Variants in MLLT10 observed in about 807,000 individuals in gnomAD.
MLLT10 encodes protein AF-10.
In MLLT10, 30 loss-of-function variants were observed where a neutral mutation model predicts 129.1. The ratio of observed to expected loss-of-function variants is 0.23; its 90% CI spans 0.17 to 0.32. The LOEUF is 0.32. MLLT10 is among the 10% of genes least tolerant of loss of function. The probability of loss-of-function intolerance (pLI) is 1.00; values close to 1 mark genes in which losing one functional copy is unlikely to be tolerated. For synonymous variants in MLLT10, 490 were observed against 446.4 expected (o/e 1.10, Z -1.23); for missense variants, 1,119 against 1,268.3 (o/e 0.88, Z 1.79).
chr10:21,637,542 T>C (rs961722789), intron 8 of MLLT10, among the ~76,000 whole-genome samples: 1 of 152,164 alleles, frequency 6.6e-6, no homozygotes, highest in Non-Finnish European at 1.5e-5. Flanking sequence ...ACAGAGGAGA[T>C]AACATTACAG....
chr10:21,587,806 T>C (rs1270832745), intron 4 of MLLT10, among the ~76,000 whole-genome samples: 1 of 152,222 alleles, frequency 6.6e-6, no homozygotes, highest in Non-Finnish European at 1.5e-5. Context: ...AGTCAGATTG[T>C]ACAGAATTTA....
At chr10:21,732,503 C>T (rs994189064) in intron 17 of MLLT10, among the ~76,000 whole-genome samples, 3 of 152,166 alleles carry the variant, frequency 2.0e-5, no homozygotes, top group African/African-American at 4.8e-5. Context: ...GGTATTGGTG[C>T]GATCCTTAAC....
intron 4 of MLLT10, among the ~76,000 whole-genome samples, chr10:21,587,454 T>C (rs896341921): frequency 2.7e-5 from 4 of 150,466 alleles, no homozygotes; most frequent in Admixed American, 2.0e-4. Flanking sequence ...AAAAGCTGAC[T>C]TCTGTATCAC....
intron 8 of MLLT10, among the ~76,000 whole-genome samples, chr10:21,621,093 C>T (rs919595859): frequency 6.8e-6 from 1 of 147,944 alleles, no homozygotes; most frequent in African/African-American, 2.5e-5. Flanking sequence ...ACGCCATTCT[C>T]CTGTCTCAGC....
At chr10:21,682,438 C>A (rs2052838547) in intron 13 of MLLT10, among the ~76,000 whole-genome samples, 181 bp downstream of exon 13, 2 of 152,254 alleles carry the variant, frequency 1.3e-5, no homozygotes, top group Non-Finnish European at 1.5e-5. Flanking sequence ...GCTGATAGGT[C>A]AATATGGTTC....
intron 5 of MLLT10, among the ~76,000 whole-genome samples, chr10:21,603,955 T>A (rs1432210409): frequency 6.6e-6 from 1 of 152,128 alleles, no homozygotes; most frequent in Admixed American, 6.5e-5. Context: ...CCTGCCCTAC[T>A]CCATCATGTG....
intron 9 of MLLT10, among the ~76,000 whole-genome samples, chr10:21,659,171 C>G (rs1373251472): frequency 6.6e-6 from 1 of 151,302 alleles, no homozygotes; most frequent in African/African-American, 2.4e-5. Context: ...TTCTTTTAAT[C>G]TTTTGAAGAG....
chr10:21,735,472 G>A (rs542898577), intron 21 of MLLT10, among the ~76,000 whole-genome samples: 1 of 152,346 alleles, frequency 6.6e-6, no homozygotes, highest in South Asian at 2.1e-4. Context: ...ACACAGTGCT[G>A]AGATGTGGTG....
rs1486760886 is a variant in MLLT10, at chr10:21,743,325, A to AT, written c.*1344dup. 1.4e-5 allele frequency: 3 copies of AT among 220,032 alleles called. No individual in the cohort carries two copies. Among genetic ancestry groups the AT allele is most frequent in the Non-Finnish European group, 2.7e-5 (3 of 109,656 alleles). 13.6% of individuals were successfully genotyped at this position (220,032 alleles called of 1,614,324 possible). A position where few individuals can be genotyped will look rare whatever the true frequency, so the allele number is the denominator to read the frequency against. On this transcript the variant is annotated 3_prime_UTR_variant, in exon 23 of 23. Coordinates refer to ENST00000307729, the MANE Select transcript of MLLT10 (RefSeq NM_001195626.3). ...ATAAAGTTTTGTGAATCTGTTTTGTATTGTGACAAATTCATAAGATAACAT... is the reference window on the plus strand; with the variant it reads ...ATAAAGTTTTGTGAATCTGTTTTGTATTTGTGACAAATTCATAAGATAACAT...
intron 3 of MLLT10, among the ~76,000 whole-genome samples, chr10:21,579,633 G>C (rs1030175636): frequency 2.0e-4 from 31 of 151,222 alleles, no homozygotes; most frequent in Non-Finnish European, 4.4e-4. Flanking sequence ...TGCGATCTCG[G>C]CTCAACACAA....
intron 5 of MLLT10, among the ~76,000 whole-genome samples, chr10:21,608,470 C>A (rs1325093617): frequency 6.6e-6 from 1 of 152,048 alleles, no homozygotes. Context: ...AGTTACCACT[C>A]CTAGCCACTT....
chr10:21,737,985 G>A (rs553884243), intron 21 of MLLT10, among the ~76,000 whole-genome samples: 9 of 152,162 alleles, frequency 5.9e-5, no homozygotes, highest in African/African-American at 2.2e-4. Context: ...ATTCTTAAAT[G>A]CTGGCCGGGC....
At chr10:21,613,039 CAAA>C (rs1328568014) in intron 6 of MLLT10, among the ~76,000 whole-genome samples, 1 of 151,666 alleles carries the variant, frequency 6.6e-6, no homozygotes, top group Admixed American at 6.6e-5. Context: ...ACTAAAAACA[CAAA>C]AATTAGCCAG....
intron 9 of MLLT10, among the ~76,000 whole-genome samples, chr10:21,665,424 G>C (rs1485907203): frequency 6.6e-6 from 1 of 151,842 alleles, no homozygotes; most frequent in Non-Finnish European, 1.5e-5. Context: ...GAATAGCTGG[G>C]ATTACAGGTA....
At chr10:21,591,037 T>C (rs1194526867) in intron 4 of MLLT10, among the ~76,000 whole-genome samples, 2 of 152,104 alleles carry the variant, frequency 1.3e-5, no homozygotes, top group Non-Finnish European at 2.9e-5. Context: ...ACAAGTTGTG[T>C]TTTTTTGTTT....
rs34367086 is a variant in MLLT10, at chr10:21,563,791, G to GTATTATTAT, written c.241-22474_241-22466dup. Among the ~76,000 whole-genome samples the GTATTATTAT allele has an allele frequency of 7.6e-3, 1,103 of 145,634 alleles. 19 individuals carry two copies. The highest frequency in any genetic ancestry group is 0.025 in the African/African-American group (966 of 38,974). On this transcript the variant is annotated intron_variant, in intron 3 of 22. Transcript: ENST00000307729. ...GGCGGGTAGTGATATCTCACTGTGT[G>GTATTATTAT]TATTATTATTATTATTATTATTATT...
intron 17 of MLLT10, 58 bp downstream of exon 17, chr10:21,731,112 C>T (rs1247097123): frequency 1.4e-6 from 2 of 1,465,346 alleles, no homozygotes; most frequent in African/African-American, 2.8e-5. Context: ...GACAAACAGG[C>T]AGATGGATGC....
chr10:21,710,880 C>T (rs1420132889), intron 13 of MLLT10, among the ~76,000 whole-genome samples: 1 of 152,168 alleles, frequency 6.6e-6, no homozygotes, highest in Non-Finnish European at 1.5e-5. Context: ...CGTACAGTAA[C>T]CAAACACTGC....
At chr10:21,573,865 A>T (rs1322742480) in intron 3 of MLLT10, among the ~76,000 whole-genome samples, 2 of 152,120 alleles carry the variant, frequency 1.3e-5, no homozygotes, top group East Asian at 1.9e-4. Flanking sequence ...CAACTGGCCT[A>T]TTCTTCTTAT....
Sources: allele counts gnomAD v4.1 joint callset (sites outside exome capture counted in the v4.1 genomes callset), GRCh38; gene constraint gnomAD v4.1.1; transcripts MANE v1.5; gene names NCBI Gene and HGNC (gene_info 2026-07-23, HGNC 2026-07-21).